The following NEK11 variants were observed in gnomAD, a reference collection of about 807,000 sequenced individuals.
The protein encoded by NEK11 is serine/threonine-protein kinase Nek11.
NEK11 carries 72 observed loss-of-function variants against 80.7 expected under a neutral mutation model. The ratio of observed to expected loss-of-function variants is 0.89; its 90% CI spans 0.74 to 1.08. The LOEUF is 1.08. Among genes scored for constraint, NEK11 ranks in the 50% least tolerant of loss-of-function variants. The pLI is 0.00. For synonymous variants in NEK11, 251 were observed against 260.7 expected, an observed-to-expected ratio of 0.96 and a Z score of 0.36; for missense variants, 764 against 763.6, an observed-to-expected ratio of 1.00 and a Z score of -0.01.
At chr3:131,225,722 TG>T (rs1466946847) in intron 14 of NEK11, among the ~76,000 whole-genome samples, 2 of 152,162 alleles carry the variant, frequency 1.3e-5, no homozygotes, top group African/African-American at 4.8e-5. Flanking sequence ...CTAGCTAGGT[TG>T]GGGTGTTTTT....
intron 17 of NEK11, among the ~76,000 whole-genome samples, chr3:131,296,663 TTTTA>T: frequency 6.6e-6 from 1 of 152,286 alleles, no homozygotes; most frequent in Non-Finnish European, 1.5e-5. Flanking sequence ...TTTTATTTTA[TTTTA>T]TTATTATTAT....
chr3:131,158,175 G>A (rs920370966), intron 10 of NEK11, among the ~76,000 whole-genome samples: 1 of 152,040 alleles, frequency 6.6e-6, no homozygotes, highest in African/African-American at 2.4e-5. Flanking sequence ...GTGTCTTGGG[G>A]GTCTACATCA....
At chr3:131,318,470 A>G (rs1209302062) in intron 17 of NEK11, among the ~76,000 whole-genome samples, 4 of 152,186 alleles carry the variant, frequency 2.6e-5, no homozygotes, top group Admixed American at 2.6e-4. Flanking sequence ...GCACAAAAAC[A>G]TATATCAAAG....
intron 16 of NEK11, among the ~76,000 whole-genome samples, chr3:131,255,574 A>G (rs2095801347): frequency 6.6e-6 from 1 of 151,976 alleles, no homozygotes; most frequent in African/African-American, 2.4e-5. Flanking sequence ...GTAGCACCAA[A>G]CTTCTTGATA....
At chr3:131,314,567 T>C (rs950857536) in intron 17 of NEK11, among the ~76,000 whole-genome samples, 1 of 152,114 alleles carries the variant, frequency 6.6e-6, no homozygotes, top group Non-Finnish European at 1.5e-5. Flanking sequence ...TGGAAAGCTA[T>C]AATAGGGTTG....
chr3:131,079,753 T>C (rs938773608), intron 3 of NEK11, among the ~76,000 whole-genome samples: 4 of 152,230 alleles, frequency 2.6e-5, no homozygotes, highest in African/African-American at 9.6e-5. Context: ...TTAGTTAATT[T>C]TTCCTGTTAA....
intron 5 of NEK11, among the ~76,000 whole-genome samples, chr3:131,118,937 A>G: frequency 6.6e-6 from 1 of 151,942 alleles, no homozygotes; most frequent in South Asian, 2.1e-4. Flanking sequence ...GGATTGATTG[A>G]TTTTTTGAAG....
At chr3:131,101,020 G>A (rs2078286171) in intron 4 of NEK11, among the ~76,000 whole-genome samples, 1 of 152,094 alleles carries the variant, frequency 6.6e-6, no homozygotes, top group South Asian at 2.1e-4. Context: ...TCTATTTTGT[G>A]TGTGTAAGTT....
chr3:131,151,883 A>T (rs1233124305), intron 7 of NEK11, among the ~76,000 whole-genome samples: 3 of 152,232 alleles, frequency 2.0e-5, no homozygotes, highest in African/African-American at 7.2e-5. Context: ...CTTCCACTCC[A>T]CTTGCAAATG....
At chr3:131,202,055 G>A (rs1244452747) in intron 14 of NEK11, among the ~76,000 whole-genome samples, 5 of 151,946 alleles carry the variant, frequency 3.3e-5, no homozygotes, top group African/African-American at 4.8e-5. Context: ...GGATGGTCTC[G>A]ATCTCCTGAC....
chr3:131,228,127 C>G (rs74713877), intron 14 of NEK11, among the ~76,000 whole-genome samples: 5,443 of 152,182 alleles, frequency 0.036, 143 homozygotes, highest in East Asian at 0.085. Context: ...TTTGCTCCAA[C>G]TTCCTATGCT....
chr3:131,173,618 G>A (rs901518698), intron 14 of NEK11, among the ~76,000 whole-genome samples: 6 of 151,164 alleles, frequency 4.0e-5, no homozygotes, highest in Non-Finnish European at 7.4e-5. Flanking sequence ...GTAGGTAGAA[G>A]CAATTGACTT....
chr3:131,305,641 G>A (rs1052262834), intron 17 of NEK11, among the ~76,000 whole-genome samples: 3 of 152,106 alleles, frequency 2.0e-5, no homozygotes, highest in Non-Finnish European at 2.9e-5. Context: ...ATCTCACCCC[G>A]TCCACCTCTC....
At chr3:131,293,810 G>T (rs2096567773) in intron 17 of NEK11, among the ~76,000 whole-genome samples, 1 of 152,022 alleles carries the variant, frequency 6.6e-6, no homozygotes, top group South Asian at 2.1e-4. Flanking sequence ...TTAGCAACTT[G>T]TGTCTTTCAA....
At chr3:131,077,143 C>T (rs909951716) in intron 3 of NEK11, among the ~76,000 whole-genome samples, 6 of 152,164 alleles carry the variant, frequency 3.9e-5, no homozygotes, top group East Asian at 1.9e-4. Context: ...GGGAAGTCTC[C>T]GGGGATGCCT....
intron 14 of NEK11, among the ~76,000 whole-genome samples, chr3:131,198,527 A>G (rs992749777): frequency 2.0e-5 from 3 of 152,202 alleles, no homozygotes; most frequent in Non-Finnish European, 4.4e-5. Flanking sequence ...TGAGATGTCC[A>G]CACAGTAAGA....
At chr3:131,209,343 A>G (rs920844689) in intron 14 of NEK11, among the ~76,000 whole-genome samples, 1 of 152,180 alleles carries the variant, frequency 6.6e-6, no homozygotes, top group African/African-American at 2.4e-5. Context: ...ACCGTGGTGG[A>G]TAAGCTTTTT....
At chr3:131,133,253 G>C in intron 6 of NEK11, 1 of 455,524 alleles carries the variant, frequency 2.2e-6, no homozygotes, top group Non-Finnish European at 4.4e-6. Context: ...TAGTTCTTCA[G>C]AACTGTACCT....
chr3:131,289,246 TTTC>T (rs2096517284), intron 17 of NEK11, among the ~76,000 whole-genome samples: 1 of 152,178 alleles, frequency 6.6e-6, no homozygotes, highest in Non-Finnish European at 1.5e-5. Context: ...TGAGTTCAAA[TTTC>T]TTCTTATAAG....
Sources: gnomAD v4.1 joint callset for allele counts (sites outside exome capture counted in the v4.1 genomes callset) on GRCh38, gnomAD v4.1.1 for gene constraint, MANE v1.5 for transcripts, NCBI Gene and HGNC (gene_info 2026-07-23, HGNC 2026-07-21) for gene names.